SPAG4: variants seen among roughly 807,000 people sequenced by gnomAD.
SPAG4 encodes the protein sperm associated antigen 4.
SPAG4 carries 54 observed loss-of-function variants against 53.9 expected under a neutral mutation model. The ratio of observed to expected loss-of-function variants is 1.00; its 90% CI spans 0.80 to 1.26. The LOEUF is 1.26. Among genes scored for constraint, SPAG4 ranks in the 50% most tolerant of loss-of-function variants. SPAG4 has a pLI of 0.00. For missense variants in SPAG4, 548 were observed against 568.6 expected (o/e 0.96, Z 0.37); for synonymous variants, 246 against 237.4 (o/e 1.04, Z -0.33).
chr20:35,619,485 G>A (rs2031501749), intron 9 of SPAG4, 94 bp from the exon 10 acceptor site: 1 of 1,524,792 alleles, frequency 6.6e-7, no homozygotes, highest in African/African-American at 1.4e-5. Flanking sequence ...AGCTCTGGGC[G>A]GGTCGATGGA....
At chr20:35,619,946 C>T (rs573728476) in intron 10 of SPAG4, among the ~76,000 whole-genome samples, 200 bp downstream of exon 10, 1 of 152,196 alleles carries the variant, frequency 6.6e-6, no homozygotes, top group East Asian at 1.9e-4. Context: ...TTACTCCGTG[C>T]CAAGCAGTTT....
At position 35,616,122 on chromosome 20, in the gene SPAG4, CGGAGCCCGGGCCTGG is replaced by C. The variant is rs2031364370; in HGVS notation, c.128_142del (p.Gly43_Pro47del). ...GAGGACAGCAAAGGGCTCCGGTCAGCGGAGCCCGGGCCTGGGGAGCCCGAGGGCAGAAGAGCCCGG... is the reference window on the plus strand; with the variant it reads ...GAGGACAGCAAAGGGCTCCGGTCAGCGGAGCCCGAGGGCAGAAGAGCCCGG... On this transcript the variant is annotated inframe_deletion, in exon 1 of 12. Coordinates refer to ENST00000374273, the MANE Select transcript of SPAG4 (RefSeq NM_003116.3). 1.3e-6 allele frequency: 2 copies of C among 1,584,764 alleles called. No homozygotes were observed. The highest frequency in any genetic ancestry group is 3.7e-5 in the Admixed American group (2 of 54,592).
chr20:35,620,634 C>CCA (rs1555875273), intron 10 of SPAG4, 50 bp from the exon 11 acceptor site: 1 of 580,244 alleles, frequency 1.7e-6, no homozygotes, highest in Non-Finnish European at 3.3e-6. Flanking sequence ...CCGCCCCCCC[C>CCA]GCCCCACCTG....
At chr20:35,618,066 C>T (rs1234165753) in intron 4 of SPAG4, 21 bp from the exon 5 acceptor site, 1 of 1,611,820 alleles carries the variant, frequency 6.2e-7, no homozygotes, top group Admixed American at 1.7e-5. Context: ...CCTTCTGAGA[C>T]CCCTCCCTCT....
intron 10 of SPAG4, among the ~76,000 whole-genome samples, chr20:35,620,163 G>C (rs1329912053): frequency 1.3e-5 from 2 of 152,048 alleles, no homozygotes; most frequent in Admixed American, 1.3e-4. Context: ...TAGAGATGGG[G>C]TTTCACCATG....
chr20:35,618,229 G>A, intron 5 of SPAG4, 99 bp downstream of exon 5: 1 of 1,266,594 alleles, frequency 7.9e-7, no homozygotes, highest in Non-Finnish European at 1.1e-6. Context: ...GGTGGGGGTA[G>A]TGCCAGAGGC....
Position 35,619,699 on chromosome 20 carries a change from G to T in SPAG4, c.1030G>T (p.Glu344Ter), listed in dbSNP as rs1394944110. 1.9e-6 allele frequency: 3 copies of T among 1,613,470 alleles called. No homozygotes were observed. The highest frequency in any genetic ancestry group is 2.5e-6 in the Non-Finnish European group (3 of 1,179,562). Residue 344 changes from glutamate (E) to a stop codon, truncating the protein, a stop_gained, in exon 10 of 12, where the codon GAG becomes TAG. Transcript: ENST00000374273. LOFTEE classifies it high-confidence loss of function. The part of the protein sequence containing the change: ...ITLQHPPPSV[E>*]HTGGANSAPR... ...TCTGCAGCATCCACCGCCCAGCGTGGAGCACACCGGAGGAGCCAACAGCGC... is the reference window on the plus strand; with the variant it reads ...TCTGCAGCATCCACCGCCCAGCGTGTAGCACACCGGAGGAGCCAACAGCGC...
Position 35,618,628 on chromosome 20 carries a change from G to T in SPAG4, c.625G>T (p.Val209Leu), listed in dbSNP as rs980161991. The stretch of plus-strand genomic sequence containing the variant: ...CACCTCCAGTGAGTACCACGAGCGC[G>T]TGCGCTCCCAGGGGCAGCAGCTGCA... ...MLTLSEYHER[V>L]RSQGQQLQQL... Residue 209 changes from valine to leucine, a missense_variant, in exon 7 of 12, where the codon GTG becomes TTG. By Grantham distance (32) the Val-to-Leu change is conservative. Transcript: ENST00000374273. 6.3e-7 allele frequency: 1 copy of T among 1,599,710 alleles called. No individual in the cohort carries two copies. Among genetic ancestry groups the T allele is most frequent in the Non-Finnish European group, 8.5e-7 (1 of 1,173,114 alleles).
Position 35,620,716 on chromosome 20 carries a change from C to G in SPAG4, c.1110C>G (p.Ser370=), listed in dbSNP as rs376614797. 2.0e-5 allele frequency: 29 copies of G among 1,460,276 alleles called. No homozygotes were observed. In the African/African-American group the frequency reaches 3.4e-4, roughly 17 times the overall value. 90.5% of individuals were successfully genotyped at this position (1,460,276 alleles called of 1,614,324 possible). A position where few individuals can be genotyped will look rare whatever the true frequency, so the allele number is the denominator to read the frequency against. ...AGGTTTATGATGAAACTGAAGTTTC[C>G]TTGGGGAAATTCACCTTCGATGTTG... ...GLQVYDETEV[S]LGKFTFDVEK... Residue 370 remains serine (S), a synonymous_variant, in exon 11 of 12, where the codon TCC becomes TCG. Coordinates refer to ENST00000374273, the MANE Select transcript of SPAG4 (RefSeq NM_003116.3).
chr20:35,616,007 C>A lies in SPAG4; in HGVS notation c.4C>A (p.Arg2=), dbSNP rs1305770119. The change falls in exon 1 of 12, where the codon CGG becomes AGG. Residue 2 remains arginine, a synonymous_variant. Coordinates refer to ENST00000374273, the MANE Select transcript of SPAG4 (RefSeq NM_003116.3). ...GACTAGGCAGCAGGGGGTCAGGATG[C>A]GGCGAAGCTCCCGCCCGGGCTCGGC... M[R]RSSRPGSASS... 1 of 1,610,818 alleles carries A rather than the reference C, an allele frequency of 6.2e-7. No individual in the cohort carries two copies. The highest frequency in any genetic ancestry group is 8.5e-7 in the Non-Finnish European group (1 of 1,179,410).
rs2031366289 is a variant in SPAG4 at position 35,616,150 on chromosome 20, C to T, written c.147C>T (p.Gly49=). 1 of 1,602,412 alleles carries T rather than the reference C, an allele frequency of 6.2e-7. No homozygotes were observed. Among genetic ancestry groups the T allele is most frequent in the African/African-American group, 1.3e-5 (1 of 74,258 alleles). ...AGCCCGGGCCTGGGGAGCCCGAGGG[C>T]AGAAGAGCCCGGGGCCCGAGCTGCG... The part of the protein sequence containing the change: ...SAEPGPGEPE[G]RRARGPSCGE... Residue 49 remains glycine (G), a synonymous_variant, in exon 1 of 12, where the codon GGC becomes GGT. Coordinates refer to ENST00000374273, the MANE Select transcript of SPAG4 (RefSeq NM_003116.3).
chr20:35,618,006 G>C, intron 4 of SPAG4, 81 bp from the exon 5 acceptor site: 1 of 1,496,406 alleles, frequency 6.7e-7, no homozygotes, highest in Non-Finnish European at 9.2e-7. Flanking sequence ...ACCCCCTCAA[G>C]CCTCTTTCCA....
In SPAG4 at chr20:35,616,216, A is replaced by G. The variant is rs770849910; in HGVS notation, c.213A>G (p.Thr71=). 4.4e-6 allele frequency: 7 copies of G among 1,579,536 alleles called. No homozygotes were observed. The Admixed American group carries it at 7.5e-5, about 17-fold the overall frequency. ...GCGCGGGAGTGCCCGGAGGAACCAC[A>G]TGGGCAGGAAGCTCTCAGCAGAAGC... The part of the protein sequence containing the change: ...ALSAGVPGGT[T]WAGSSQQKPA... The change falls in exon 1 of 12, where the codon ACA becomes ACG. Residue 71 remains threonine (T), a synonymous_variant. Coordinates refer to ENST00000374273, the MANE Select transcript of SPAG4 (RefSeq NM_003116.3).
Position 35,619,606 on chromosome 20 carries a change from G to T in SPAG4, c.937G>T (p.Ala313Ser). ...CCACGTGTTCCCTGGGAATTGCTGG[G>T]CTTTTGAAGGCGACCAAGGCCAGGT... ...EPHVFPGNCW[A>S]FEGDQGQVVI... The change falls in exon 10 of 12, where the codon GCT (alanine) becomes TCT (serine). Residue 313 changes from alanine (A) to serine (S), a missense_variant. Ala to Ser is a moderately conservative substitution (Grantham distance 99). Transcript: ENST00000374273. The T allele has an allele frequency of 2.5e-6, 4 of 1,613,960 alleles. No homozygotes were observed. The highest frequency in any genetic ancestry group is 3.4e-6 in the Non-Finnish European group (4 of 1,179,936).
rs1198318218 is a variant in SPAG4 at position 35,618,676 on chromosome 20, A to T, written c.673A>T (p.Lys225Ter). The T allele has an allele frequency of 1.9e-6, 3 of 1,594,218 alleles. No homozygotes were observed. In the Admixed American group the frequency reaches 5.2e-5, roughly 28 times the overall value. ...QLQQLQAELD[K>*]LHKEVSTVRA... is the part of the protein sequence containing the mutation. Reference sequence around the variant, plus strand: ...GCAGCAGCTCCAGGCCGAGCTGGATAAACTCCACAAGGAGGTGTCCACTGT... The same window carrying T: ...GCAGCAGCTCCAGGCCGAGCTGGATTAACTCCACAAGGAGGTGTCCACTGT... The change falls in exon 7 of 12, where the codon AAA (lysine) becomes TAA (stop). Residue 225 changes from lysine to a stop codon, truncating the protein, a stop_gained. Transcript: ENST00000374273. LOFTEE classifies it high-confidence loss of function.
chr20:35,618,485 G>A lies in SPAG4; in HGVS notation c.608+10G>A, dbSNP rs777801269. 9.3e-6 allele frequency: 15 copies of A among 1,613,862 alleles called. No homozygotes were observed. The highest frequency in any genetic ancestry group is 1.3e-5 in the Non-Finnish European group (15 of 1,179,932). The stretch of plus-strand genomic sequence containing the variant: ...AGATGCTGACTCTAAGGTGAAAGAG[G>A]GCACCTAGGGTGGGAAATTGGGGGG... On this transcript the variant is annotated intron_variant, in intron 6 of 11. Transcript: ENST00000374273.
Position 35,616,176 on chromosome 20 carries a change from G to T in SPAG4, c.173G>T (p.Gly58Val). The T allele has an allele frequency of 1.9e-6, 3 of 1,594,950 alleles. No homozygotes were observed. In the African/African-American group the frequency reaches 4.0e-5, roughly 22 times the overall value. Residue 58 changes from glycine to valine, a missense_variant, in exon 1 of 12, where the codon GGT becomes GTT. Coordinates refer to ENST00000374273, the MANE Select transcript of SPAG4 (RefSeq NM_003116.3). Reference sequence around the variant, plus strand: ...AGAAGAGCCCGGGGCCCGAGCTGCGGTGAGCCCGCCTTGAGCGCGGGAGTG... The same window carrying T: ...AGAAGAGCCCGGGGCCCGAGCTGCGTTGAGCCCGCCTTGAGCGCGGGAGTG... ...EGRRARGPSC[G>V]EPALSAGVPG...
At position 35,621,002 on chromosome 20, in the gene SPAG4, A is replaced by G. The variant is rs374936511; in HGVS notation, c.1294A>G (p.Ser432Gly). 3 of 1,613,850 alleles carry G rather than the reference A, an allele frequency of 1.9e-6. No homozygotes were observed. Among genetic ancestry groups the G allele is most frequent in the African/African-American group, 2.7e-5 (2 of 74,934 alleles). ...GCGAACCTCAGAGGGGGCAGAGGGC[A>G]GTGCACAGGGGCCCCATTAAACATG... is the stretch of plus-strand genomic sequence containing the variant. ...GVRTSEGAEGSAQGPH is the reference protein window; with the variant it reads ...GVRTSEGAEGGAQGPH The change falls in exon 12 of 12, where the codon AGT becomes GGT. Residue 432 changes from serine to glycine, a missense_variant. By Grantham distance (56) the Ser-to-Gly change is moderately conservative. Coordinates refer to ENST00000374273, the MANE Select transcript of SPAG4 (RefSeq NM_003116.3).
chr20:35,619,091 A>G, intron 8 of SPAG4, 93 bp downstream of exon 8: 2 of 1,436,204 alleles, frequency 1.4e-6, no homozygotes, highest in South Asian at 2.4e-5. Flanking sequence ...CCGGCCGAAG[A>G]CAGAGCCTCG....
Sources: allele counts gnomAD v4.1 joint callset (sites outside exome capture counted in the v4.1 genomes callset), GRCh38; gene constraint gnomAD v4.1.1; transcripts MANE v1.5; gene names NCBI Gene and HGNC (gene_info 2026-07-23, HGNC 2026-07-21).